SYNDIG1L: variants seen among roughly 807,000 people sequenced by gnomAD.
SYNDIG1L encodes the protein synapse differentiation inducing 1 like.
Under a neutral mutation model 20.1 loss-of-function variants are expected in SYNDIG1L, and 13 were observed. That is an observed-to-expected ratio of 0.65 (90% CI 0.42 to 1.03). The LOEUF is 1.03. Ranked by LOEUF, SYNDIG1L falls within the 50% of genes least tolerant of loss-of-function variation. The pLI, the probability that SYNDIG1L is intolerant of heterozygous loss-of-function variation, is 0.00. For synonymous variants in SYNDIG1L, 128 were observed against 129.3 expected (o/e 0.99, Z 0.07); for missense variants, 294 against 305.1 (o/e 0.96, Z 0.27).
In SYNDIG1L at chr14:74,407,500, G is replaced by A. The variant is rs1436034096; in HGVS notation, c.*35C>T. On this transcript the variant is annotated 3_prime_UTR_variant, in exon 4 of 4. Coordinates refer to ENST00000331628, the MANE Select transcript of SYNDIG1L (RefSeq NM_001105579.2). Reference sequence around the variant, plus strand: ...TCCAAGCCCCACTGCTTCCTCAGGTGGGCAGGGGAGTCAGGATGCAGGCCC... The same window carrying A: ...TCCAAGCCCCACTGCTTCCTCAGGTAGGCAGGGGAGTCAGGATGCAGGCCC... The A allele has an allele frequency of 6.2e-7, 1 of 1,611,890 alleles. No homozygotes were observed. Among genetic ancestry groups the A allele is most frequent in the Admixed American group, 1.7e-5 (1 of 59,996 alleles).
chr14:74,477,096 GTCTCCCCCCAGCCCCATTCCCAACACA>G, the SYNDIG1L span, among the ~76,000 whole-genome samples: 1 of 60,944 alleles, frequency 1.6e-5, no homozygotes, highest in Non-Finnish European at 3.3e-5. Context: ...ACACAACCCT[GTCTCCCCCCAGCCCCATTCCCAACACA>G]CACACACACA....
chr14:74,419,588 C>G (rs1313916436), intron 1 of SYNDIG1L, among the ~76,000 whole-genome samples: 1 of 152,222 alleles, frequency 6.6e-6, no homozygotes, highest in Non-Finnish European at 1.5e-5. Flanking sequence ...CCAGAAGTGG[C>G]ACCTGCTGTG....
intron 1 of SYNDIG1L, among the ~76,000 whole-genome samples, chr14:74,418,102 C>T (rs1212930227): frequency 1.3e-5 from 2 of 152,136 alleles, no homozygotes; most frequent in Non-Finnish European, 2.9e-5. Flanking sequence ...GGCGCTAGAC[C>T]GTCTTCTAAT....
chr14:74,424,771 G>A (rs1339009044), intron 1 of SYNDIG1L, among the ~76,000 whole-genome samples: 3 of 152,146 alleles, frequency 2.0e-5, no homozygotes, highest in African/African-American at 7.2e-5. Flanking sequence ...AGTGACAGCA[G>A]CGCACACTGG....
intron 1 of SYNDIG1L, among the ~76,000 whole-genome samples, chr14:74,424,272 G>A (rs2086247803): frequency 1.3e-5 from 2 of 152,204 alleles, no homozygotes; most frequent in African/African-American, 4.8e-5. Flanking sequence ...TGAACCCCCA[G>A]AGGGGAATGG....
chr14:74,424,392 C>A (rs764039275), intron 1 of SYNDIG1L, among the ~76,000 whole-genome samples: 1 of 151,908 alleles, frequency 6.6e-6, no homozygotes. Flanking sequence ...ATTTTACACC[C>A]GATTACCGAG....
the SYNDIG1L span, among the ~76,000 whole-genome samples, chr14:74,470,864 T>G: frequency 1.3e-5 from 2 of 152,220 alleles, no homozygotes; most frequent in African/African-American, 4.8e-5. Flanking sequence ...CTTCACTGTT[T>G]AGGGCTTTGC....
At chr14:74,419,845 T>TAGTGA (rs1463820837) in intron 1 of SYNDIG1L, among the ~76,000 whole-genome samples, 66 of 152,180 alleles carry the variant, frequency 4.3e-4, no homozygotes, top group Non-Finnish European at 8.2e-4. Flanking sequence ...CCAGAAGAGG[T>TAGTGA]TATAGCACAA....
chr14:74,435,046 G>A, the SYNDIG1L span, among the ~76,000 whole-genome samples: 3 of 126,246 alleles, frequency 2.4e-5, no homozygotes, highest in Non-Finnish European at 4.7e-5. Flanking sequence ...TCGTGCCACT[G>A]CACTCCAGCC....
In SYNDIG1L at chr14:74,406,135, G is replaced by T; in HGVS notation, c.*1400C>A. On this transcript the variant is annotated 3_prime_UTR_variant, in exon 4 of 4. Transcript: ENST00000331628. Reference sequence around the variant, plus strand: ...GAGTCCAGACAGGCCTGCCCACATTGGTGCTGCCCCCCGCCTACCTGGAGA... The same window carrying T: ...GAGTCCAGACAGGCCTGCCCACATTTGTGCTGCCCCCCGCCTACCTGGAGA... The T allele has an allele frequency of 2.5e-6, 1 of 398,854 alleles. No individual in the cohort carries two copies. Among genetic ancestry groups the T allele is most frequent in the Non-Finnish European group, 4.4e-6 (1 of 226,342 alleles). 24.7% of individuals were successfully genotyped at this position (398,854 alleles called of 1,614,324 possible). A position where few individuals can be genotyped will look rare whatever the true frequency, so the allele number is the denominator to read the frequency against.
At chr14:74,472,483 A>T in the SYNDIG1L span, 2 of 152,280 alleles carry the variant, frequency 1.3e-5, no homozygotes, top group East Asian at 3.8e-4. Flanking sequence ...CCTTGGACTA[A>T]TAGCTGTGCT....
At chr14:74,457,748 C>A in the SYNDIG1L span, among the ~76,000 whole-genome samples, 1,829 of 152,036 alleles carry the variant, frequency 0.012, 42 homozygotes, top group African/African-American at 0.041. Flanking sequence ...CTCTCCAAAG[C>A]TTATTAGGAT....
At chr14:74,415,954 A>G (rs1313947267) in intron 1 of SYNDIG1L, among the ~76,000 whole-genome samples, 1 of 152,238 alleles carries the variant, frequency 6.6e-6, no homozygotes, top group African/African-American at 2.4e-5. Context: ...TAAATGGAAT[A>G]AAATTGCCCA....
At chr14:74,446,016 T>C in the SYNDIG1L span, among the ~76,000 whole-genome samples, 9 of 152,316 alleles carry the variant, frequency 5.9e-5, no homozygotes, top group Non-Finnish European at 1.0e-4. Flanking sequence ...CTTCTATTTC[T>C]GGAAATATGA....
chr14:74,455,215 T>G, the SYNDIG1L span, among the ~76,000 whole-genome samples: 5 of 152,086 alleles, frequency 3.3e-5, no homozygotes, highest in Admixed American at 6.6e-5. Flanking sequence ...CCATTCTCAT[T>G]ACTACTTGTG....
At position 74,409,783 on chromosome 14, in the gene SYNDIG1L, G is replaced by T; in HGVS notation, c.-39C>A. ...CTGCTGGGGAGGGGGGCCTGGGCCA[G>T]CTGAGCAGTCCTCAGAGCCTGTCAG... On this transcript the variant is annotated 5_prime_UTR_variant, in exon 2 of 4. In the 5' UTR this introduces an upstream ATG that the reference lacks. Transcript: ENST00000331628. 7.1e-7 allele frequency: 1 copy of T among 1,415,220 alleles called. No individual in the cohort carries two copies. Among genetic ancestry groups the T allele is most frequent in the Non-Finnish European group, 9.3e-7 (1 of 1,080,816 alleles). The allele number at this position is 1,415,220 out of a possible 1,614,324, so 87.7% of individuals were successfully genotyped here. A position where few individuals can be genotyped will look rare whatever the true frequency, so the allele number is the denominator to read the frequency against.
the SYNDIG1L span, among the ~76,000 whole-genome samples, chr14:74,462,623 AG>A: frequency 6.6e-6 from 1 of 152,012 alleles, no homozygotes; most frequent in Non-Finnish European, 1.5e-5. Context: ...CTCCTGCCTC[AG>A]CTTCCCAAGT....
At chr14:74,411,342 C>A (rs1169095493) in intron 1 of SYNDIG1L, among the ~76,000 whole-genome samples, 4 of 152,104 alleles carry the variant, frequency 2.6e-5, no homozygotes, top group Non-Finnish European at 5.9e-5. Context: ...GGGGCTGCTG[C>A]CGCCCTGACT....
At chr14:74,409,167 C>T (rs1360814444) in intron 2 of SYNDIG1L, among the ~76,000 whole-genome samples, 161 bp downstream of exon 2, 1 of 151,996 alleles carries the variant, frequency 6.6e-6, no homozygotes, top group South Asian at 2.1e-4. Context: ...CAGCCTCAAC[C>T]TCCTGGGCTC....
Sources: allele counts gnomAD v4.1 joint callset (sites outside exome capture counted in the v4.1 genomes callset), GRCh38; gene constraint gnomAD v4.1.1; transcripts MANE v1.5; gene names NCBI Gene and HGNC (gene_info 2026-07-23, HGNC 2026-07-21).